TDRP: variants seen among roughly 807,000 people sequenced by gnomAD.
TDRP encodes the protein testis development related protein, also known as testis development-related protein.
TDRP carries 12 observed loss-of-function variants against 10.5 expected under a neutral mutation model. That is an observed-to-expected ratio of 1.15 (90% CI 0.73 to 1.86). TDRP has a LOEUF of 1.86. TDRP is among the 40% of genes most tolerant of loss of function. TDRP has a pLI of 0.00. For synonymous variants in TDRP, 139 were observed against 95.4 expected (o/e 1.46, Z -2.67); for missense variants, 353 against 229.2 (o/e 1.54, Z -3.49).
rs115190542 is a variant in TDRP, at chr8:493,242, C to T, written c.213-498G>A. Among the ~76,000 whole-genome samples the T allele has an allele frequency of 3.4e-3, 521 of 152,282 alleles. 3 individuals carry two copies. The highest frequency in any genetic ancestry group is 0.011 in the African/African-American group (475 of 41,568). On this transcript the variant is annotated intron_variant, in intron 2 of 2. Coordinates refer to ENST00000324079, the MANE Select transcript of TDRP (RefSeq NM_001384899.1). ...ACTATAAAAAGGAAATGGTAGCAAG[C>T]GACAGCTAGGGAAGAAAGATCCTAA...
rs1801237512 is a variant in TDRP at position 499,810 on chromosome 8, G to A, written c.109-5213C>T. Among the ~76,000 whole-genome samples, 3 of 152,376 alleles carry A rather than the reference G, an allele frequency of 2.0e-5. No individual in the cohort carries two copies. In the South Asian group the frequency reaches 6.2e-4, roughly 32 times the overall value. On this transcript the variant is annotated intron_variant, in intron 1 of 2. Coordinates refer to ENST00000324079, the MANE Select transcript of TDRP (RefSeq NM_001384899.1). ...GCACTCTGCTCCTGTAGCCAGCAAG[G>A]CTGGCCCTTGAGGTGGAGTTCCTGA...
At chr8:522,646 G>T (rs2116826634) in intron 1 of TDRP, among the ~76,000 whole-genome samples, 1 of 152,262 alleles carries the variant, frequency 6.6e-6, no homozygotes, top group South Asian at 2.1e-4. Context: ...ATGCTTAAAA[G>T]GTAGCTTGAC....
At chr8:538,023 C>T (rs1021630972) in intron 1 of TDRP, among the ~76,000 whole-genome samples, 2 of 152,106 alleles carry the variant, frequency 1.3e-5, no homozygotes, top group Non-Finnish European at 2.9e-5. Context: ...GTTTTTAAAA[C>T]AAAATGTCTG....
intron 1 of TDRP, among the ~76,000 whole-genome samples, chr8:543,205 C>T (rs537246577): frequency 1.4e-4 from 22 of 152,096 alleles, no homozygotes; most frequent in South Asian, 4.2e-4. Context: ...CCAGCTACTA[C>T]AGAGGCTGAG....
chr8:499,378 A>G (rs1247216298), intron 1 of TDRP, among the ~76,000 whole-genome samples: 1 of 152,168 alleles, frequency 6.6e-6, no homozygotes, highest in Non-Finnish European at 1.5e-5. Context: ...CTGGGCTGGC[A>G]GTAGAACCCA....
At chr8:541,377 C>T (rs1802492246) in intron 1 of TDRP, among the ~76,000 whole-genome samples, 1 of 152,126 alleles carries the variant, frequency 6.6e-6, no homozygotes, top group African/African-American at 2.4e-5. Flanking sequence ...CAATATAATA[C>T]CAAAGGCACA....
chr8:514,698 G>A (rs977041480), intron 1 of TDRP, among the ~76,000 whole-genome samples: 4 of 152,170 alleles, frequency 2.6e-5, no homozygotes, highest in African/African-American at 9.7e-5. Context: ...CAGTGCCTCA[G>A]TGGGGATGCA....
Position 492,709 on chromosome 8 carries a change from T to A in TDRP, c.248A>T (p.Glu83Val). 6.2e-7 allele frequency: 1 copy of A among 1,613,738 alleles called. No homozygotes were observed. Residue 83 changes from glutamate (E) to valine (V), a missense_variant, in exon 3 of 3, where the codon GAG (glutamate) becomes GTG (valine). Coordinates refer to ENST00000324079, the MANE Select transcript of TDRP (RefSeq NM_001384899.1). ...ATTGTCCCAAAATCCAGATTTCTTCTCTGCCTTCAACTCTTCTTTTAATCG... is the reference window on the plus strand; with the variant it reads ...ATTGTCCCAAAATCCAGATTTCTTCACTGCCTTCAACTCTTCTTTTAATCG... The part of the protein sequence containing the change: ...NLRLKEELKA[E>V]KKSGFWDNLV...
chr8:522,525 T>C (rs1801932900), intron 1 of TDRP, among the ~76,000 whole-genome samples: 1 of 152,216 alleles, frequency 6.6e-6, no homozygotes, highest in Admixed American at 6.5e-5. Context: ...AAACATGTTG[T>C]TCCTTGAAAA....
chr8:538,042 C>T (rs1397024233), intron 1 of TDRP, among the ~76,000 whole-genome samples: 2 of 152,204 alleles, frequency 1.3e-5, no homozygotes, highest in Non-Finnish European at 2.9e-5. Flanking sequence ...TGCAACCTTT[C>T]ACCACTGATA....
chr8:538,635 T>C (rs187959454), intron 1 of TDRP, among the ~76,000 whole-genome samples: 1 of 152,282 alleles, frequency 6.6e-6, no homozygotes, highest in Admixed American at 6.5e-5. Context: ...AGTCCAAATC[T>C]AAACTACCCA....
chr8:523,464 G>A (rs760402265), intron 1 of TDRP, among the ~76,000 whole-genome samples: 1 of 152,162 alleles, frequency 6.6e-6, no homozygotes. Context: ...TACCAGCTCA[G>A]CCACAGTAGG....
At chr8:538,698 T>C (rs988559865) in intron 1 of TDRP, among the ~76,000 whole-genome samples, 2 of 152,202 alleles carry the variant, frequency 1.3e-5, no homozygotes, top group African/African-American at 4.8e-5. Flanking sequence ...ATACATTCAA[T>C]GACATGGTAG....
chr8:509,835 C>A lies in TDRP; in HGVS notation c.109-15238G>T, dbSNP rs115300584. Reference sequence around the variant, plus strand: ...AGGCTGCAAAGTTTCCAAACTTTGACGCCTGTTTCCCTTTTAACATAAGTT... The same window carrying A: ...AGGCTGCAAAGTTTCCAAACTTTGAAGCCTGTTTCCCTTTTAACATAAGTT... On this transcript the variant is annotated intron_variant, in intron 1 of 2. Transcript: ENST00000324079. 5.0e-3 allele frequency among the ~76,000 whole-genome samples: 767 copies of A among 152,260 alleles called. 8 individuals are homozygous for A. The highest frequency in any genetic ancestry group is 0.018 in the African/African-American group (739 of 41,530).
chr8:542,656 T>C (rs1020572375), intron 1 of TDRP, among the ~76,000 whole-genome samples: 3 of 151,592 alleles, frequency 2.0e-5, no homozygotes, highest in African/African-American at 7.3e-5. Context: ...CCTGAGATCA[T>C]GAGTTCGAGA....
At chr8:497,709 G>C (rs570293953) in intron 1 of TDRP, among the ~76,000 whole-genome samples, 1 of 152,144 alleles carries the variant, frequency 6.6e-6, no homozygotes, top group Non-Finnish European at 1.5e-5. Context: ...ATGTCTCCAG[G>C]GCATTTCAGA....
At chr8:501,791 T>C (rs1801309391) in intron 1 of TDRP, among the ~76,000 whole-genome samples, 1 of 152,180 alleles carries the variant, frequency 6.6e-6, no homozygotes, top group African/African-American at 2.4e-5. Context: ...TGGGACTCAG[T>C]ACAGACGGTT....
Position 495,677 on chromosome 8 carries a change from G to A in TDRP, c.109-1080C>T, listed in dbSNP as rs894056871. Among the ~76,000 whole-genome samples, 5 of 152,284 alleles carry A rather than the reference G, an allele frequency of 3.3e-5. 1 individual carries two copies. In the South Asian group the frequency reaches 6.2e-4, roughly 19 times the overall value. ...TAGAGCCAGCTTTAGAATACTTTGC[G>A]TTGTTAAAAATATAATACAAAAATA... On this transcript the variant is annotated intron_variant, in intron 1 of 2. Coordinates refer to ENST00000324079, the MANE Select transcript of TDRP (RefSeq NM_001384899.1).
At chr8:543,209 G>C (rs900545054) in intron 1 of TDRP, among the ~76,000 whole-genome samples, 1 of 152,120 alleles carries the variant, frequency 6.6e-6, no homozygotes, top group African/African-American at 2.4e-5. Flanking sequence ...CTACTACAGA[G>C]GCTGAGAGAG....
Sources: allele counts gnomAD v4.1 joint callset (sites outside exome capture counted in the v4.1 genomes callset), GRCh38; gene constraint gnomAD v4.1.1; transcripts MANE v1.5; gene names NCBI Gene and HGNC (gene_info 2026-07-23, HGNC 2026-07-21).